KIRREL3: variants seen among roughly 807,000 people sequenced by gnomAD.
KIRREL3 encodes the protein kin of IRRE-like protein 3.
A neutral mutation model predicts 89.7 loss-of-function variants in KIRREL3; 36 were observed. That is an observed-to-expected ratio of 0.40 (90% CI 0.31 to 0.53). KIRREL3 has a LOEUF of 0.53. Among genes scored for constraint, KIRREL3 ranks in the 20% least tolerant of loss-of-function variants. The probability of loss-of-function intolerance (pLI) is 0.49; values close to 1 mark genes in which losing one functional copy is unlikely to be tolerated. For missense variants in KIRREL3, 864 were observed against 1,056.6 expected (o/e 0.82, Z 2.53); for synonymous variants, 445 against 441.4 (o/e 1.01, Z -0.10).
Position 126,891,456 on chromosome 11 carries a change from C to G in KIRREL3, c.55+108999G>C, listed in dbSNP as rs73032232. Among the ~76,000 whole-genome samples the G allele has an allele frequency of 0.017, 2,547 of 152,288 alleles. 36 individuals carry two copies. Among genetic ancestry groups the G allele is most frequent in the Non-Finnish European group, 0.025 (1,686 of 68,026 alleles). On this transcript the variant is annotated intron_variant, in intron 1 of 16. Coordinates refer to ENST00000525144, the MANE Select transcript of KIRREL3 (RefSeq NM_032531.4). The surrounding 1 kb of genome is among the most constrained non-coding windows in gnomAD (Gnocchi z 5.1). The stretch of plus-strand genomic sequence containing the variant: ...GGCAGAAGAGGAGGCAAGAGGTGAG[C>G]CCATGTCCTACTAAATGCCTGCAAA...
At chr11:126,524,586 T>C (rs1958692275) in intron 3 of KIRREL3, among the ~76,000 whole-genome samples, 1 of 152,232 alleles carries the variant, frequency 6.6e-6, no homozygotes, top group Non-Finnish European at 1.5e-5. Flanking sequence ...GCTATCAATA[T>C]GAAGAAGTGC....
In KIRREL3 at chr11:126,611,366, G is replaced by A. The variant is rs544379893; in HGVS notation, c.56-48454C>T. Among the ~76,000 whole-genome samples the A allele has an allele frequency of 2.2e-4, 33 of 152,092 alleles. No individual in the cohort carries two copies. Among genetic ancestry groups the A allele is most frequent in the Non-Finnish European group, 4.1e-4 (28 of 68,032 alleles). On this transcript the variant is annotated intron_variant, in intron 1 of 16. Transcript: ENST00000525144. This position sits in a 1 kb window ranked among gnomAD's most constrained non-coding sequence, Gnocchi z 4.7. ...AGAGATCATGACTTTTGTAGAACTAGGCTGCTTTCACTCTTTGAGGGTGGT... is the reference window on the plus strand; with the variant it reads ...AGAGATCATGACTTTTGTAGAACTAAGCTGCTTTCACTCTTTGAGGGTGGT...
rs149271621 is a variant in KIRREL3, at chr11:126,624,509, G to A, written c.56-61597C>T. Among the ~76,000 whole-genome samples, 1 of 152,144 alleles carries A rather than the reference G, an allele frequency of 6.6e-6. No individual in the cohort carries two copies. Among genetic ancestry groups the A allele is most frequent in the Non-Finnish European group, 1.5e-5 (1 of 68,024 alleles). On this transcript the variant is annotated intron_variant, in intron 1 of 16. Coordinates refer to ENST00000525144, the MANE Select transcript of KIRREL3 (RefSeq NM_032531.4). This position sits in a 1 kb window ranked among gnomAD's most constrained non-coding sequence, Gnocchi z 6.0. The stretch of plus-strand genomic sequence containing the variant: ...GGTGAACAAATGTATGTTTATAATG[G>A]TGTAAAAACCCTGGTTTCCCCTTCC...
Position 126,588,136 on chromosome 11 carries a change from G to A in KIRREL3, c.56-25224C>T, listed in dbSNP as rs147649561. On this transcript the variant is annotated intron_variant, in intron 1 of 16. Coordinates refer to ENST00000525144, the MANE Select transcript of KIRREL3 (RefSeq NM_032531.4). Reference sequence around the variant, plus strand: ...AGCAAAATGGGCTTTATTGTTCCCCGGCTCATGGAATCATTGTGGGACACA... The same window carrying A: ...AGCAAAATGGGCTTTATTGTTCCCCAGCTCATGGAATCATTGTGGGACACA... Among the ~76,000 whole-genome samples the A allele has an allele frequency of 9.7e-4, 148 of 152,280 alleles. 1 individual carries two copies. The highest frequency in any genetic ancestry group is 6.8e-4 in the Non-Finnish European group (46 of 68,018).
chr11:126,645,909 T>C lies in KIRREL3; in HGVS notation c.56-82997A>G, dbSNP rs754935683. Among the ~76,000 whole-genome samples, 118 of 152,292 alleles carry C rather than the reference T, an allele frequency of 7.7e-4. No homozygotes were observed. Among genetic ancestry groups the C allele is most frequent in the East Asian group, 1.5e-3 (8 of 5,186 alleles). On this transcript the variant is annotated intron_variant, in intron 1 of 16. Coordinates refer to ENST00000525144, the MANE Select transcript of KIRREL3 (RefSeq NM_032531.4). The surrounding 1 kb of genome is among the most constrained non-coding windows in gnomAD (Gnocchi z 4.9). ...TAAACCTTTTTAATTAACTTCAACT[T>C]CTCCCAGAGATTTATGTTTAAACAG...
intron 2 of KIRREL3, among the ~76,000 whole-genome samples, chr11:126,547,691 G>T (rs1591715649): frequency 6.6e-6 from 1 of 152,214 alleles, no homozygotes; most frequent in East Asian, 1.9e-4. Context: ...GGCCGCCTGA[G>T]TGGCGGAGTG....
chr11:126,973,457 C>T (rs1293899612), intron 1 of KIRREL3, among the ~76,000 whole-genome samples: 1 of 152,182 alleles, frequency 6.6e-6, no homozygotes, highest in African/African-American at 2.4e-5. Flanking sequence ...AGAGTTCTGG[C>T]TGCTGCTGAA....
At chr11:126,514,600 T>C (rs1469886457) in intron 4 of KIRREL3, among the ~76,000 whole-genome samples, 2 of 152,248 alleles carry the variant, frequency 1.3e-5, no homozygotes, top group African/African-American at 4.8e-5. Context: ...GGCGCTATTC[T>C]GAGACATGTT....
chr11:126,880,796 T>C (rs1445069240), intron 1 of KIRREL3, among the ~76,000 whole-genome samples: 1 of 152,198 alleles, frequency 6.6e-6, no homozygotes. Context: ...AAGAAGCCCC[T>C]GGGAAGGGAT....
Position 126,431,120 on chromosome 11 carries a change from CT to C in KIRREL3, c.1696+298del. The C allele has an allele frequency of 7.1e-7, 1 of 1,413,246 alleles. No individual in the cohort carries two copies. The highest frequency in any genetic ancestry group is 9.2e-7 in the Non-Finnish European group (1 of 1,087,382). 87.5% of individuals were successfully genotyped at this position (1,413,246 alleles called of 1,614,324 possible). ...ATCAAACCACAAACCGCTTTTCCCC[CT>C]ATCTTTCTGTACAGTTCCTGACTGA... On this transcript the variant is annotated intron_variant, in intron 14 of 16. Transcript: ENST00000525144. This position sits in a 1 kb window ranked among gnomAD's most constrained non-coding sequence, Gnocchi z 7.1.
intron 1 of KIRREL3, among the ~76,000 whole-genome samples, chr11:126,722,297 A>C (rs1181845218): frequency 1.3e-5 from 2 of 152,356 alleles, no homozygotes; most frequent in African/African-American, 2.4e-5. Flanking sequence ...GGCCATCTGC[A>C]TGGTTCACTC....
Position 126,486,647 on chromosome 11 carries a change from G to A in KIRREL3, c.434-13181C>T, listed in dbSNP as rs145507734. 1.2e-4 allele frequency among the ~76,000 whole-genome samples: 19 copies of A among 152,284 alleles called. No individual in the cohort carries two copies. The highest frequency in any genetic ancestry group is 3.8e-4 in the African/African-American group (16 of 41,562). Reference sequence around the variant, plus strand: ...TATAATCCATGCTTCATGGTATGGTGGGCCCTTGCAGTAGCCTTATTTCAT... The same window carrying A: ...TATAATCCATGCTTCATGGTATGGTAGGCCCTTGCAGTAGCCTTATTTCAT... On this transcript the variant is annotated intron_variant, in intron 4 of 16. Transcript: ENST00000525144. This position sits in a 1 kb window ranked among gnomAD's most constrained non-coding sequence, Gnocchi z 6.2.
At chr11:126,667,211 A>T (rs934525678) in intron 1 of KIRREL3, among the ~76,000 whole-genome samples, 12 of 152,248 alleles carry the variant, frequency 7.9e-5, no homozygotes, top group African/African-American at 2.9e-4. Context: ...TAATGAATTC[A>T]ATCGCAGCAA....
At chr11:126,945,786 A>G (rs1369570770) in intron 1 of KIRREL3, among the ~76,000 whole-genome samples, 1 of 152,200 alleles carries the variant, frequency 6.6e-6, no homozygotes, top group Admixed American at 6.5e-5. Context: ...TGACGGTTAT[A>G]AAGTCTGCGT....
intron 1 of KIRREL3, among the ~76,000 whole-genome samples, chr11:126,846,220 C>CT (rs1944136100): frequency 6.6e-6 from 1 of 152,140 alleles, no homozygotes; most frequent in Non-Finnish European, 1.5e-5. Flanking sequence ...TTCTGGAGAT[C>CT]TGTATTGCCT....
chr11:126,692,304 G>A (rs1318930393), intron 1 of KIRREL3, among the ~76,000 whole-genome samples: 2 of 152,016 alleles, frequency 1.3e-5, no homozygotes, highest in Non-Finnish European at 2.9e-5. Flanking sequence ...TAGCACTTTC[G>A]GAAGCCAAGG....
intron 4 of KIRREL3, among the ~76,000 whole-genome samples, chr11:126,497,259 TGTGA>T (rs566793411): frequency 5.8e-4 from 88 of 151,450 alleles, no homozygotes; most frequent in Middle Eastern, 3.4e-3. Context: ...TGCGTGACAG[TGTGA>T]GTGTCTGTGT....
intron 1 of KIRREL3, among the ~76,000 whole-genome samples, chr11:126,629,581 A>G (rs1943934284): frequency 6.6e-6 from 1 of 152,014 alleles, no homozygotes; most frequent in South Asian, 2.1e-4. Context: ...ATCCATGTCC[A>G]CCCTGCCCTG....
intron 1 of KIRREL3, among the ~76,000 whole-genome samples, chr11:126,781,032 G>T (rs1012774588): frequency 6.6e-6 from 1 of 152,206 alleles, no homozygotes; most frequent in Admixed American, 6.5e-5. Flanking sequence ...CAGAGGCAGG[G>T]ACCAGGAAGC....
Sources: allele counts gnomAD v4.1 joint callset (sites outside exome capture counted in the v4.1 genomes callset), GRCh38; gene constraint gnomAD v4.1.1; non-coding constraint Gnocchi (gnomAD v3.1); transcripts MANE v1.5; gene names NCBI Gene and HGNC (gene_info 2026-07-23, HGNC 2026-07-21).